The following CCSER1 variants were observed in gnomAD, a reference collection of about 807,000 sequenced individuals.
CCSER1 encodes the protein coiled-coil serine rich protein 1, also known as serine-rich coiled-coil domain-containing protein 1.
CCSER1 carries 41 observed loss-of-function variants against 82.0 expected under a neutral mutation model. The ratio of observed to expected loss-of-function variants is 0.50; its 90% CI spans 0.39 to 0.65. The LOEUF is 0.65. CCSER1 is among the 30% of genes least tolerant of loss of function. The pLI is 0.00. For missense variants in CCSER1, 1,119 were observed against 1,064.2 expected, an observed-to-expected ratio of 1.05 and a Z score of -0.72; for synonymous variants, 414 against 383.9, an observed-to-expected ratio of 1.08 and a Z score of -0.92.
chr4:90,330,073 C>T (rs889018877), intron 3 of CCSER1, among the ~76,000 whole-genome samples: 4 of 151,908 alleles, frequency 2.6e-5, no homozygotes, highest in Non-Finnish European at 5.9e-5. Context: ...AAATTTTGAA[C>T]GTAGTATATT....
At chr4:90,339,218 C>T (rs977564460) in intron 3 of CCSER1, among the ~76,000 whole-genome samples, 8 of 152,114 alleles carry the variant, frequency 5.3e-5, no homozygotes, top group African/African-American at 1.9e-4. Context: ...ACATTTATGT[C>T]ATTCCCAAAT....
At chr4:91,297,299 A>C (rs1265811635) in intron 10 of CCSER1, among the ~76,000 whole-genome samples, 1 of 151,830 alleles carries the variant, frequency 6.6e-6, no homozygotes, top group Non-Finnish European at 1.5e-5. Context: ...GATAGCAGTA[A>C]ACAGTTTCCC....
At chr4:90,418,904 C>T (rs1488974951) in intron 4 of CCSER1, among the ~76,000 whole-genome samples, 1 of 151,988 alleles carries the variant, frequency 6.6e-6, no homozygotes, top group Non-Finnish European at 1.5e-5. Flanking sequence ...GCTATAATTT[C>T]TAAGCATTTT....
chr4:90,331,566 A>G (rs1739292313), intron 3 of CCSER1, among the ~76,000 whole-genome samples: 1 of 152,194 alleles, frequency 6.6e-6, no homozygotes, highest in Non-Finnish European at 1.5e-5. Flanking sequence ...CCTTTCCCAC[A>G]AGGACACCTT....
At chr4:90,699,361 A>G (rs1737583339) in intron 6 of CCSER1, among the ~76,000 whole-genome samples, 1 of 152,112 alleles carries the variant, frequency 6.6e-6, no homozygotes, top group South Asian at 2.1e-4. Flanking sequence ...GCTACTCAGA[A>G]GGTCGGGGCA....
intron 4 of CCSER1, among the ~76,000 whole-genome samples, chr4:90,456,719 G>T (rs1454783661): frequency 1.3e-5 from 2 of 152,194 alleles, no homozygotes; most frequent in Admixed American, 1.3e-4. Flanking sequence ...ACTTTCAACT[G>T]GCCAAGAGAG....
In CCSER1 at chr4:90,168,965, T is replaced by C. The variant is rs1171699510; in HGVS notation, c.-42+41134T>C. 4.6e-5 allele frequency among the ~76,000 whole-genome samples: 7 copies of C among 152,068 alleles called. No individual in the cohort carries two copies. In the South Asian group the frequency reaches 8.3e-4, roughly 18 times the overall value. ...GATTGACGTGGTGATGCGGGCTCTT[T>C]TTTGGTTCCATATGAACTTTAAAGT... On this transcript the variant is annotated intron_variant, in intron 1 of 10. Coordinates refer to ENST00000509176, the MANE Select transcript of CCSER1 (RefSeq NM_001145065.2).
At position 90,970,345 on chromosome 4, in the gene CCSER1, C is replaced by G. The variant is rs561235887; in HGVS notation, c.2172+46898C>G. Among the ~76,000 whole-genome samples the G allele has an allele frequency of 2.0e-5, 3 of 151,624 alleles. No homozygotes were observed. In the South Asian group the frequency reaches 6.3e-4, roughly 32 times the overall value. On this transcript the variant is annotated intron_variant, in intron 9 of 10. Transcript: ENST00000509176. ...AAACGAACATCAAGTGAGAAATTGT[C>G]ACAAAAAACCAAGAATGTCATTATA...
chr4:90,383,438 G>A (rs1749526729), intron 3 of CCSER1, among the ~76,000 whole-genome samples: 1 of 152,142 alleles, frequency 6.6e-6, no homozygotes, highest in Non-Finnish European at 1.5e-5. Context: ...AGTAAAAATG[G>A]TAGCATAACT....
intron 10 of CCSER1, among the ~76,000 whole-genome samples, chr4:91,452,080 T>C (rs1470080500): frequency 2.6e-5 from 4 of 152,028 alleles, no homozygotes; most frequent in Non-Finnish European, 5.9e-5. Context: ...CATTATGAAG[T>C]GTAGGCTTAG....
intron 9 of CCSER1, among the ~76,000 whole-genome samples, chr4:91,042,593 T>TA (rs375610855): frequency 1.1e-3 from 166 of 152,334 alleles, no homozygotes; most frequent in Middle Eastern, 6.8e-3. Flanking sequence ...ATTCAGTACA[T>TA]AATCTTCCAT....
At chr4:91,229,690 A>G (rs1738471974) in intron 10 of CCSER1, among the ~76,000 whole-genome samples, 2 of 152,290 alleles carry the variant, frequency 1.3e-5, no homozygotes, top group Admixed American at 6.5e-5. Flanking sequence ...GTGCAGGGAC[A>G]TGGATGAAGC....
chr4:90,314,837 CTTTTTTTT>C (rs765931168), intron 3 of CCSER1, among the ~76,000 whole-genome samples: 2,284 of 87,234 alleles, frequency 0.026, 22 homozygotes, highest in South Asian at 0.052. Context: ...CTCAGATTTA[CTTTTTTTT>C]TTTTTTTTTT....
chr4:90,609,869 C>T (rs2148813860), intron 5 of CCSER1, among the ~76,000 whole-genome samples: 1 of 152,272 alleles, frequency 6.6e-6, no homozygotes. Flanking sequence ...AATTATTTTA[C>T]TCCTTACTTG....
intron 10 of CCSER1, among the ~76,000 whole-genome samples, chr4:91,476,882 A>T (rs1049794227): frequency 1.5e-4 from 23 of 151,688 alleles, no homozygotes; most frequent in Non-Finnish European, 2.1e-4. Context: ...ATGAAACTAG[A>T]TTACTCTCTC....
chr4:90,260,240 G>A (rs1474444609), intron 1 of CCSER1, among the ~76,000 whole-genome samples: 2 of 152,082 alleles, frequency 1.3e-5, no homozygotes, highest in Non-Finnish European at 2.9e-5. Flanking sequence ...GGGTTTTCTA[G>A]TTTGTGCATG....
intron 5 of CCSER1, among the ~76,000 whole-genome samples, chr4:90,610,143 C>T (rs375546678): frequency 1.3e-5 from 2 of 151,906 alleles, no homozygotes; most frequent in Non-Finnish European, 2.9e-5. Flanking sequence ...GTCCCAGCTA[C>T]TCGGGAGGCT....
intron 7 of CCSER1, among the ~76,000 whole-genome samples, chr4:90,726,985 T>G (rs1049591863): frequency 6.6e-6 from 1 of 152,166 alleles, no homozygotes; most frequent in African/African-American, 2.4e-5. Flanking sequence ...TCATAGAAGA[T>G]AGTGTATAAT....
intron 10 of CCSER1, among the ~76,000 whole-genome samples, chr4:91,400,088 T>C (rs756202255): frequency 3.3e-5 from 5 of 152,004 alleles, no homozygotes; most frequent in African/African-American, 4.8e-5. Flanking sequence ...ATGCTAGGGC[T>C]AAAATTTCTG....
Sources: allele counts gnomAD v4.1 joint callset (sites outside exome capture counted in the v4.1 genomes callset), GRCh38; gene constraint gnomAD v4.1.1; transcripts MANE v1.5; gene names NCBI Gene and HGNC (gene_info 2026-07-23, HGNC 2026-07-21).